Variants in FMNL3 observed in about 807,000 individuals in gnomAD.
The protein encoded by FMNL3 is formin-like protein 3.
A neutral mutation model predicts 119.6 loss-of-function variants in FMNL3; 57 were observed. That is an observed-to-expected ratio of 0.48 (90% CI 0.39 to 0.59). The LOEUF (loss-of-function observed/expected upper bound fraction) is 0.59, where lower values mean the gene tolerates loss of function less well. Ranked by LOEUF, FMNL3 falls within the 20% of genes least tolerant of loss-of-function variation. The pLI, the probability that FMNL3 is intolerant of heterozygous loss-of-function variation, is 0.00. For missense variants in FMNL3, 1,053 were observed against 1,323.5 expected (o/e 0.80, Z 3.17); for synonymous variants, 491 against 507.3 (o/e 0.97, Z 0.43).
At chr12:49,691,928 G>A (rs961844100) in intron 1 of FMNL3, among the ~76,000 whole-genome samples, 3 of 151,248 alleles carry the variant, frequency 2.0e-5, no homozygotes, top group Non-Finnish European at 2.9e-5. Context: ...CTAGCTACTC[G>A]GAAGGCTGAG....
intron 1 of FMNL3, among the ~76,000 whole-genome samples, chr12:49,699,098 G>A (rs964658773): frequency 6.6e-6 from 1 of 152,138 alleles, no homozygotes; most frequent in Non-Finnish European, 1.5e-5. Context: ...CAGCTCAGAC[G>A]TGGGAGAAAT....
chr12:49,646,838 G>A (rs1217635267), intron 25 of FMNL3, 48 bp downstream of exon 25: 3 of 1,609,904 alleles, frequency 1.9e-6, no homozygotes, highest in Non-Finnish European at 2.5e-6. Flanking sequence ...GTTGAGCTTT[G>A]GGAGCTGGGT....
chr12:49,666,182 G>A lies in FMNL3; in HGVS notation c.236C>T (p.Pro79Leu). 1.9e-6 allele frequency: 3 copies of A among 1,613,998 alleles called. No homozygotes were observed. The highest frequency in any genetic ancestry group is 2.5e-6 in the Non-Finnish European group (3 of 1,179,962). ...DQERFQVKNP[P>L]HTYIQKLQSF... ...CTGGAGTTTCTGAATGTAAGTGTGG[G>A]GAGGATTCTTCACCTGGAATCGTTC... The change falls in exon 3 of 26, where the codon CCC (proline) becomes CTC (leucine). Residue 79 changes from proline to leucine, a missense_variant. This residue lies in a region of FMNL3 where 264 missense variants were observed against 265.5 expected (regional missense o/e 0.99). Coordinates refer to ENST00000335154, the MANE Select transcript of FMNL3 (RefSeq NM_175736.5).
chr12:49,646,578 G>T (rs79093963), intron 25 of FMNL3: 2 of 1,331,098 alleles, frequency 1.5e-6, no homozygotes, highest in Non-Finnish European at 2.0e-6. Context: ...GGTGCCTGTG[G>T]TCTCCCAGCA....
At chr12:49,664,011 G>A (rs1204266581) in intron 4 of FMNL3, among the ~76,000 whole-genome samples, 1 of 152,156 alleles carries the variant, frequency 6.6e-6, no homozygotes, top group African/African-American at 2.4e-5. Flanking sequence ...CACTTTGAAA[G>A]GCCAAGACAG....
chr12:49,643,584 C>T lies in FMNL3; in HGVS notation c.*2231G>A, dbSNP rs1007662384. ...AAGGAAAACTGGACTTAGACTTCCT[C>T]AGAGCATGAGGTTCCTGCCTGTGAA... On this transcript the variant is annotated 3_prime_UTR_variant, in exon 26 of 26. Transcript: ENST00000335154. 2.0e-5 allele frequency: 28 copies of T among 1,399,768 alleles called. No homozygotes were observed. The highest frequency in any genetic ancestry group is 2.6e-5 in the Non-Finnish European group (27 of 1,033,912). The allele number at this position is 1,399,768 out of a possible 1,614,324, so 86.7% of individuals were successfully genotyped here.
At chr12:49,659,066 C>A (rs1382804028) in intron 5 of FMNL3, among the ~76,000 whole-genome samples, 1 of 152,212 alleles carries the variant, frequency 6.6e-6, no homozygotes, top group Non-Finnish European at 1.5e-5. Context: ...ACCAAAGGGC[C>A]CTTCAGTGCT....
Position 49,658,414 on chromosome 12 carries a change from C to T in FMNL3, c.605+28G>A, listed in dbSNP as rs545642832. The T allele has an allele frequency of 2.1e-4, 323 of 1,561,764 alleles. 2 individuals are homozygous for T. In the South Asian group the frequency reaches 2.5e-3, roughly 12 times the overall value. ...CTGCACTGAAGGGTAGGGTGGGAGG[C>T]AGGTGGGCAGAGCAAAAGCACACAT... On this transcript the variant is annotated intron_variant, in intron 6 of 25. Transcript: ENST00000335154.
At chr12:49,695,030 T>TAA (rs372615488) in intron 1 of FMNL3, among the ~76,000 whole-genome samples, 3 of 145,086 alleles carry the variant, frequency 2.1e-5, no homozygotes, top group South Asian at 2.2e-4. Flanking sequence ...ATTATCCTTG[T>TAA]AAAAAAAAAA....
rs141782646 is a variant in FMNL3 at position 49,673,402 on chromosome 12, T to G, written c.127-4848A>C. Among the ~76,000 whole-genome samples, 421 of 152,356 alleles carry G rather than the reference T, an allele frequency of 2.8e-3. 3 individuals carry two copies. Among genetic ancestry groups the G allele is most frequent in the Admixed American group, 4.7e-3 (72 of 15,308 alleles). On this transcript the variant is annotated intron_variant, in intron 1 of 25. Coordinates refer to ENST00000335154, the MANE Select transcript of FMNL3 (RefSeq NM_175736.5). ...ACAGTGTTCCCACCCCATGTTCCCA[T>G]GTTCCCACTAGGATTCCCCTCACAA...
intron 4 of FMNL3, among the ~76,000 whole-genome samples, chr12:49,662,278 C>T (rs989595960): frequency 2.0e-5 from 3 of 152,194 alleles, no homozygotes; most frequent in Admixed American, 6.5e-5. Context: ...CTTGCTTTAT[C>T]GTGAAGGTGC....
intron 1 of FMNL3, among the ~76,000 whole-genome samples, chr12:49,689,669 T>A (rs561323747): frequency 1.8e-4 from 27 of 152,274 alleles, no homozygotes; most frequent in African/African-American, 6.3e-4. Context: ...TAAGCCATGA[T>A]CACACTATTG....
intron 1 of FMNL3, among the ~76,000 whole-genome samples, chr12:49,674,908 G>A (rs1187640992): frequency 6.6e-6 from 1 of 152,226 alleles, no homozygotes; most frequent in Non-Finnish European, 1.5e-5. Context: ...GTTCACACCA[G>A]GGAAGTCAGA....
At chr12:49,655,019 C>G in intron 9 of FMNL3, 35 bp from the exon 10 acceptor site, 1 of 1,604,190 alleles carries the variant, frequency 6.2e-7, no homozygotes, top group Non-Finnish European at 8.5e-7. Context: ...AAAGGATCTG[C>G]TCCATGCAGA....
chr12:49,684,964 T>C (rs1473666969), intron 1 of FMNL3, among the ~76,000 whole-genome samples: 5 of 152,226 alleles, frequency 3.3e-5, no homozygotes, highest in African/African-American at 9.6e-5. Context: ...CAAACAAAGA[T>C]GCTCTTTCCT....
chr12:49,637,129 C>T lies in FMNL3; in HGVS notation c.*8686G>A. 1 of 581,144 alleles carries T rather than the reference C, an allele frequency of 1.7e-6. No individual in the cohort carries two copies. The highest frequency in any genetic ancestry group is 1.9e-5 in the African/African-American group (1 of 53,730). The allele number at this position is 581,144 out of a possible 1,614,324, so 36.0% of individuals were successfully genotyped here. On this transcript the variant is annotated 3_prime_UTR_variant, in exon 26 of 26. Transcript: ENST00000335154. ...TGGCAGCTAGGCCATGTTTATTTCC[C>T]TTGGTGGGGCACCCGACAGGCAGAG...
At chr12:49,688,972 G>T (rs989829425) in intron 1 of FMNL3, among the ~76,000 whole-genome samples, 1 of 152,168 alleles carries the variant, frequency 6.6e-6, no homozygotes, top group East Asian at 1.9e-4. Flanking sequence ...GCAAAAATGG[G>T]CTGGGCATGG....
At chr12:49,702,839 G>C (rs1944946111) in intron 1 of FMNL3, among the ~76,000 whole-genome samples, 1 of 152,058 alleles carries the variant, frequency 6.6e-6, no homozygotes, top group Admixed American at 6.6e-5. Flanking sequence ...ACAATCCTGA[G>C]GGCTGGGAAA....
In FMNL3 at chr12:49,641,635, AG is replaced by A. The variant is rs1942666488; in HGVS notation, c.*4179del. On this transcript the variant is annotated 3_prime_UTR_variant, in exon 26 of 26. Transcript: ENST00000335154. ...CAGAGCTTTAAGCCAAAGGAACAAA[AG>A]TTAATTTTGAGAAACTCAGCATTAA... 3 of 445,650 alleles carry A rather than the reference AG, an allele frequency of 6.7e-6. No individual in the cohort carries two copies. Among genetic ancestry groups the A allele is most frequent in the Non-Finnish European group, 1.2e-5 (3 of 248,188 alleles). 27.6% of individuals were successfully genotyped at this position (445,650 alleles called of 1,614,324 possible). A position where few individuals can be genotyped will look rare whatever the true frequency, so the allele number is the denominator to read the frequency against.
Sources: gnomAD v4.1 joint callset for allele counts (sites outside exome capture counted in the v4.1 genomes callset) on GRCh38, gnomAD v4.1.1 for gene constraint, gnomAD v4.1.1 regional missense constraint, MANE v1.5 for transcripts, NCBI Gene and HGNC (gene_info 2026-07-23, HGNC 2026-07-21) for gene names.